TTN: variants seen among roughly 807,000 people sequenced by gnomAD.
TTN encodes titin, also known as connectin.
A neutral mutation model predicts 3,223.0 loss-of-function variants in TTN; 1,525 were observed. The ratio of observed to expected loss-of-function variants is 0.47; its 90% CI spans 0.45 to 0.49. The LOEUF (loss-of-function observed/expected upper bound fraction) is 0.49, where lower values mean the gene tolerates loss of function less well. Among genes scored for constraint, TTN ranks in the 20% least tolerant of loss-of-function variants. The probability of loss-of-function intolerance (pLI) is 0.00; values close to 1 mark genes in which losing one functional copy is unlikely to be tolerated. For missense variants in TTN, 40,786 were observed against 43,424.0 expected, an observed-to-expected ratio of 0.94 and a Z score of 5.40; for synonymous variants, 14,094 against 15,161.0, an observed-to-expected ratio of 0.93 and a Z score of 5.17.
rs768269007 is a variant in TTN at position 178,615,662 on chromosome 2, C to G, written c.48439G>C (p.Val16147Leu). Residue 16147 changes from valine to leucine, a missense_variant, in exon 258 of 363, where the codon GTA becomes CTA. By Grantham distance (32) the Val-to-Leu change is conservative. Transcript: ENST00000589042. Reference sequence around the variant, plus strand: ...TCACTTGCAGGAGTTGACATATTTACAGGTTCATCAACATATGCAGGTTCT... The same window carrying G: ...TCACTTGCAGGAGTTGACATATTTAGAGGTTCATCAACATATGCAGGTTCT... ...PGEPAYVDEP[V>L]NMSTPATVPD... 1.2e-6 allele frequency: 2 copies of G among 1,612,422 alleles called. No homozygotes were observed. Among genetic ancestry groups the G allele is most frequent in the South Asian group, 2.2e-5 (2 of 90,974 alleles).
intron 240 of TTN, among the ~76,000 whole-genome samples, chr2:178,626,453 C>T (rs2059066631): frequency 6.6e-6 from 1 of 151,906 alleles, no homozygotes; most frequent in South Asian, 2.1e-4. Flanking sequence ...GCCCTGTCAT[C>T]CAGACTGATT....
chr2:178,768,563 C>A (rs2090934612), intron 38 of TTN, 110 bp downstream of exon 38: 1 of 1,472,360 alleles, frequency 6.8e-7, no homozygotes, highest in South Asian at 1.2e-5. Context: ...AATGATATCC[C>A]ATCGTATGGC....
rs2048562251 is a variant in TTN at position 178,584,765 on chromosome 2, G to T, written c.64876C>A (p.Pro21626Thr). ...ACCCGGAAGATGTACTCCTGGCCTG[G>T]GATCAGCTTTCCAACCCTGCAGGAA... The part of the protein sequence containing the change: ...KTSCRVGKLI[P>T]GQEYIFRVRA... Residue 21626 changes from proline to threonine, a missense_variant, in exon 310 of 363, where the codon CCA becomes ACA. Coordinates refer to ENST00000589042, the MANE Select transcript of TTN (RefSeq NM_001267550.2). 1 of 1,613,332 alleles carries T rather than the reference G, an allele frequency of 6.2e-7. No homozygotes were observed. Among genetic ancestry groups the T allele is most frequent in the South Asian group, 1.1e-5 (1 of 91,066 alleles).
intron 114 of TTN, 115 bp downstream of exon 114, chr2:178,695,750 A>G (rs964470174): frequency 2.3e-6 from 2 of 860,274 alleles, no homozygotes; most frequent in African/African-American, 3.5e-5. Context: ...AAAAAAATCT[A>G]AGATCATTTT....
In TTN at chr2:178,757,398, C is replaced by T. The variant is rs117651802; in HGVS notation, c.10678+144G>A. The T allele has an allele frequency of 7.5e-5, 79 of 1,047,154 alleles. No homozygotes were observed. In the East Asian group the frequency reaches 1.3e-3, roughly 17 times the overall value. The allele number at this position is 1,047,154 out of a possible 1,614,324, so 64.9% of individuals were successfully genotyped here. A position where few individuals can be genotyped will look rare whatever the true frequency, so the allele number is the denominator to read the frequency against. On this transcript the variant is annotated intron_variant, in intron 45 of 362. Coordinates refer to ENST00000589042, the MANE Select transcript of TTN (RefSeq NM_001267550.2). ...GGTTAACCCATAATTGAGGACCTAG[C>T]GGGAGTTATTGCATGTTATTTTATT...
Position 178,611,964 on chromosome 2 carries a change from C to G in TTN, c.50355-10G>C. On this transcript the variant is annotated splice_polypyrimidine_tract_variant and intron_variant, in intron 267 of 362. Coordinates refer to ENST00000589042, the MANE Select transcript of TTN (RefSeq NM_001267550.2). ...CTTCTCAATGACATATCTATTGAAACAACAAAGCATTTCATTAGCATTAAT... is the reference window on the plus strand; with the variant it reads ...CTTCTCAATGACATATCTATTGAAAGAACAAAGCATTTCATTAGCATTAAT... The G allele has an allele frequency of 6.2e-7, 1 of 1,608,624 alleles. No individual in the cohort carries two copies. Among genetic ancestry groups the G allele is most frequent in the Non-Finnish European group, 8.5e-7 (1 of 1,178,282 alleles).
chr2:178,729,208 T>C (rs775096367), intron 64 of TTN, 39 bp from the exon 65 acceptor site: 46 of 1,549,340 alleles, frequency 3.0e-5, no homozygotes, highest in East Asian at 2.5e-4. Flanking sequence ...AAGAAACATA[T>C]TGTAACTCCT....
chr2:178,553,651 G>A lies in TTN; in HGVS notation c.89354C>T (p.Ser29785Phe). 1.2e-6 allele frequency: 2 copies of A among 1,613,826 alleles called. No homozygotes were observed. Among genetic ancestry groups the A allele is most frequent in the Non-Finnish European group, 1.7e-6 (2 of 1,179,806 alleles). Residue 29785 changes from serine to phenylalanine, a missense_variant, in exon 334 of 363, where the codon TCT becomes TTT. Coordinates refer to ENST00000589042, the MANE Select transcript of TTN (RefSeq NM_001267550.2). ...QGEEEEWTTVSTKGEVRTTEY... is the reference protein window; with the variant it reads ...QGEEEEWTTVFTKGEVRTTEY... ...TGTAGTTCTGACCTCTCCTTTGGTA[G>A]AGACAGTAGTCCATTCCTCTTCCTC... is the stretch of plus-strand genomic sequence containing the variant.
At chr2:178,645,818 T>C (rs1031810607) in intron 217 of TTN, 102 bp downstream of exon 217, 81 of 667,920 alleles carry the variant, frequency 1.2e-4, no homozygotes, top group Non-Finnish European at 1.8e-4. Context: ...TGTCTGAAAG[T>C]ACACACTTCT....
In TTN at chr2:178,723,096, A is replaced by G. The variant is rs766599708; in HGVS notation, c.21911T>C (p.Ile7304Thr). 3.7e-6 allele frequency: 6 copies of G among 1,613,606 alleles called. No homozygotes were observed. The highest frequency in any genetic ancestry group is 1.7e-5 in the Admixed American group (1 of 59,998). ...KRDAGQYSCE[I>T]ENEAGRDVCG... ...AACATCCCTTCCTGCCTCATTTTCA[A>G]TCTCGCAGGAATACTGCCCTGCATC... The change falls in exon 75 of 363, where the codon ATT (isoleucine) becomes ACT (threonine). Residue 7304 changes from isoleucine to threonine, a missense_variant. By Grantham distance (89) the Ile-to-Thr change is moderately conservative. Transcript: ENST00000589042.
At chr2:178,689,227 T>A (rs1408486416) in intron 124 of TTN, 63 bp downstream of exon 124, 1 of 1,597,356 alleles carries the variant, frequency 6.3e-7, no homozygotes, top group East Asian at 2.2e-5. Context: ...TGCACTCATA[T>A]CACAAAACTA....
rs565951904 is a variant in TTN at position 178,632,036 on chromosome 2, T to C, written c.43747+111A>G. The C allele has an allele frequency of 1.0e-5, 12 of 1,157,392 alleles. No homozygotes were observed. In the Admixed American group the frequency reaches 1.3e-4, roughly 12 times the overall value. The allele number at this position is 1,157,392 out of a possible 1,614,324, so 71.7% of individuals were successfully genotyped here. Reference sequence around the variant, plus strand: ...ACATATGTGATAGCTTCTTAAGGAGTTGGGCTGCTTTCATGCAATATAACA... The same window carrying C: ...ACATATGTGATAGCTTCTTAAGGAGCTGGGCTGCTTTCATGCAATATAACA... On this transcript the variant is annotated intron_variant, in intron 236 of 362. Transcript: ENST00000589042.
chr2:178,684,604 A>AG (rs767303540), intron 131 of TTN, 62 bp downstream of exon 131: 194 of 1,528,354 alleles, frequency 1.3e-4, no homozygotes, highest in Admixed American at 2.8e-4. Flanking sequence ...AAAGAACAGC[A>AG]GCAGAGAGAA....
Position 178,536,018 on chromosome 2 carries a change from C to A in TTN, c.100729G>T (p.Gly33577Ter). Reference protein sequence around the residue: ...VYQVRATNQGGSVSGTASLEV... With the variant: ...VYQVRATNQG ...AAGGAGGCAGTGCCAGACACAGATC[C>A]CCCTTGGTTGGTAGCTCTGACTTGG... The change falls in exon 357 of 363, where the codon GGA (glycine) becomes TGA (stop). Residue 33577 changes from glycine (G) to a stop codon, truncating the protein, a stop_gained. Coordinates refer to ENST00000589042, the MANE Select transcript of TTN (RefSeq NM_001267550.2). LOFTEE classifies it high-confidence loss of function. The A allele has an allele frequency of 6.4e-7, 1 of 1,559,520 alleles. No homozygotes were observed. Among genetic ancestry groups the A allele is most frequent in the Non-Finnish European group, 8.7e-7 (1 of 1,153,202 alleles).
chr2:178,623,492 T>C (rs1465282723), intron 242 of TTN, among the ~76,000 whole-genome samples: 1 of 151,922 alleles, frequency 6.6e-6, no homozygotes, highest in Non-Finnish European at 1.5e-5. Context: ...AAGATGACCA[T>C]TCTTGAGCAA....
In TTN at chr2:178,649,288, A is replaced by G. The variant is rs1553766018; in HGVS notation, c.40017T>C (p.Pro13339=). 7 of 1,484,376 alleles carry G rather than the reference A, an allele frequency of 4.7e-6. No individual in the cohort carries two copies. Among genetic ancestry groups the G allele is most frequent in the Non-Finnish European group, 5.3e-6 (6 of 1,124,800 alleles). 92.0% of individuals were successfully genotyped at this position (1,484,376 alleles called of 1,614,324 possible). The change falls in exon 213 of 363, where the codon CCT becomes CCC. Residue 13339 remains proline (P), a synonymous_variant. Transcript: ENST00000589042. The part of the protein sequence containing the change: ...PKKLVPVKKE[P]VPVTKKPEVL... ...CTTCTGGTTTTTTGGTAACAGGCAC[A>G]GGTTCTTTCTTTACTGGAACAAGTT...
intron 111 of TTN, among the ~76,000 whole-genome samples, chr2:178,700,879 A>G (rs1390851266): frequency 6.6e-6 from 1 of 152,230 alleles, no homozygotes; most frequent in Non-Finnish European, 1.5e-5. Context: ...TTAATGTTTC[A>G]GTAATTTCAT....
intron 294 of TTN, among the ~76,000 whole-genome samples, 175 bp from the exon 295 acceptor site, chr2:178,595,984 CTTTTTT>C (rs762808998): frequency 8.7e-6 from 1 of 114,512 alleles, no homozygotes; most frequent in East Asian, 2.5e-4. Flanking sequence ...CAGTCAACCA[CTTTTTT>C]TTTTTTTTTT....
At position 178,569,249 on chromosome 2, in the gene TTN, T is replaced by A; in HGVS notation, c.76883A>T (p.Asp25628Val). The change falls in exon 326 of 363, where the codon GAT becomes GTT. Residue 25628 changes from aspartate (D) to valine (V), a missense_variant. By Grantham distance (152) the Asp-to-Val change is radical (BLOSUM62 -3). Coordinates refer to ENST00000589042, the MANE Select transcript of TTN (RefSeq NM_001267550.2). ...GTAATTTTTTATTTTGGATCCCCCA[T>A]CCAACAAAGGAGGTTCCCATGTAAT... Reference protein sequence around the residue: ...VSITWEPPLLDGGSKIKNYIV... With the variant: ...VSITWEPPLLVGGSKIKNYIV... 1 of 1,604,290 alleles carries A rather than the reference T, an allele frequency of 6.2e-7. No homozygotes were observed. The highest frequency in any genetic ancestry group is 8.5e-7 in the Non-Finnish European group (1 of 1,174,592).
Sources: allele counts gnomAD v4.1 joint callset (sites outside exome capture counted in the v4.1 genomes callset), GRCh38; gene constraint gnomAD v4.1.1; transcripts MANE v1.5; gene names NCBI Gene and HGNC (gene_info 2026-07-23, HGNC 2026-07-21).